Variants in GPN3 observed in about 807,000 individuals in gnomAD.
GPN3 encodes the protein GPN-loop GTPase 3.
A neutral mutation model predicts 38.7 loss-of-function variants in GPN3; 31 were observed. The ratio of observed to expected loss-of-function variants is 0.80; its 90% CI spans 0.60 to 1.08. The LOEUF (loss-of-function observed/expected upper bound fraction) is 1.08. GPN3 is among the 50% of genes least tolerant of loss of function. GPN3 has a pLI of 0.00. For synonymous variants in GPN3, 116 were observed against 120.2 expected, an observed-to-expected ratio of 0.96 and a Z score of 0.23; for missense variants, 301 against 354.4, an observed-to-expected ratio of 0.85 and a Z score of 1.21.
rs1293545015 is a variant in GPN3, at chr12:110,458,322, A to C, written c.326-688T>G. Among the ~76,000 whole-genome samples, 1 of 152,198 alleles carries C rather than the reference A, an allele frequency of 6.6e-6. No individual in the cohort carries two copies. On this transcript the variant is annotated intron_variant, in intron 3 of 7. Transcript: ENST00000228827. The surrounding 1 kb of genome is among the most constrained non-coding windows in gnomAD (Gnocchi z 4.4). ...ATAGTGAGATCCTATCTCTACAAAAATAAATAAATAAGTGCTACAAAGATA... is the reference window on the plus strand; with the variant it reads ...ATAGTGAGATCCTATCTCTACAAAACTAAATAAATAAGTGCTACAAAGATA...
intron 2 of GPN3, among the ~76,000 whole-genome samples, chr12:110,460,504 G>A (rs977007481): frequency 6.6e-6 from 1 of 152,170 alleles, no homozygotes; most frequent in Non-Finnish European, 1.5e-5. Flanking sequence ...TCCTTATCCT[G>A]GGTTAGAAGG....
chr12:110,456,744 A>G (rs2062552684), intron 4 of GPN3, among the ~76,000 whole-genome samples: 1 of 149,238 alleles, frequency 6.7e-6, no homozygotes, highest in East Asian at 2.0e-4. Flanking sequence ...GCTGGTGTGC[A>G]ATGGTGCGAT....
At position 110,458,128 on chromosome 12, in the gene GPN3, A is replaced by G. The variant is rs115846108; in HGVS notation, c.326-494T>C. Among the ~76,000 whole-genome samples the G allele has an allele frequency of 3.5e-3, 525 of 152,126 alleles. 1 individual carries two copies. The highest frequency in any genetic ancestry group is 0.01 in the East Asian group (54 of 5,174). On this transcript the variant is annotated intron_variant, in intron 3 of 7. Coordinates refer to ENST00000228827, the MANE Select transcript of GPN3 (RefSeq NM_016301.4). This position sits in a 1 kb window ranked among gnomAD's most constrained non-coding sequence, Gnocchi z 4.4. ...AAGACTCTGTCTTTAAAAATAAAAA[A>G]AAAGAAAGAAAGAAAGAAAATGAGG...
At chr12:110,463,489 G>A (rs1398278556) in intron 2 of GPN3, among the ~76,000 whole-genome samples, 1 of 150,672 alleles carries the variant, frequency 6.6e-6, no homozygotes, top group Admixed American at 6.6e-5. Context: ...ACAAAAAAAG[G>A]CCGGATGCAG....
At chr12:110,460,947 G>C in intron 2 of GPN3, 1 of 964,722 alleles carries the variant, frequency 1.0e-6, no homozygotes, top group Non-Finnish European at 1.7e-6. Context: ...CCAGGCGACA[G>C]AGCAAGACTC....
intron 1 of GPN3, among the ~76,000 whole-genome samples, chr12:110,466,186 A>G (rs756677850): frequency 4.6e-5 from 7 of 152,138 alleles, no homozygotes; most frequent in Middle Eastern, 6.3e-3. Context: ...AATACCTAGT[A>G]CATAATAAAT....
Position 110,452,975 on chromosome 12 carries a change from G to A in GPN3, c.*59C>T. On this transcript the variant is annotated 3_prime_UTR_variant, in exon 8 of 8. Transcript: ENST00000228827. The stretch of plus-strand genomic sequence containing the variant: ...TTTCTACTATTGCATCCTTTGAAGA[G>A]AAGAATGTTCTGCTGGTTTGGCCAC... 1 of 809,702 alleles carries A rather than the reference G, an allele frequency of 1.2e-6. No homozygotes were observed. The highest frequency in any genetic ancestry group is 1.3e-5 in the South Asian group (1 of 74,616). The allele number at this position is 809,702 out of a possible 1,614,324, so 50.2% of individuals were successfully genotyped here.
rs548078863 is a variant in GPN3, at chr12:110,459,720, G to A, written c.300C>T (p.Asp100=). 6.5e-5 allele frequency: 105 copies of A among 1,612,166 alleles called. No individual in the cohort carries two copies. In the South Asian group the frequency reaches 8.5e-4, roughly 13 times the overall value. Residue 100 remains aspartate (D), a synonymous_variant, in exon 3 of 8, where the codon GAC becomes GAT. Coordinates refer to ENST00000228827, the MANE Select transcript of GPN3 (RefSeq NM_016301.4). ...CTGGACAATCAAAAAGGATATAGTC[G>A]TCCTCTACATGGCCAAGACAGTTCT... The part of the protein sequence containing the change: ...WLENCLGHVE[D]DYILFDCPGQ...
At chr12:110,459,305 A>G (rs2062571034) in intron 3 of GPN3, among the ~76,000 whole-genome samples, 1 of 151,454 alleles carries the variant, frequency 6.6e-6, no homozygotes, top group Admixed American at 6.6e-5. Flanking sequence ...TAGTGGTACA[A>G]TCTTGGCTCA....
At chr12:110,464,968 A>C in intron 2 of GPN3, 138 bp downstream of exon 2, 1 of 665,056 alleles carries the variant, frequency 1.5e-6, no homozygotes, top group Non-Finnish European at 2.8e-6. Context: ...AGATGTGACC[A>C]AATGACAAGC....
Position 110,452,804 on chromosome 12 carries a change from T to C in GPN3, c.*230A>G. ...AAATCTATGTGCATTCATTTCAATT[T>C]TGACTTACAAAATCTAAAGTGATGC... On this transcript the variant is annotated 3_prime_UTR_variant, in exon 8 of 8. Transcript: ENST00000228827. 1 of 443,464 alleles carries C rather than the reference T, an allele frequency of 2.3e-6. No individual in the cohort carries two copies. Among genetic ancestry groups the C allele is most frequent in the Non-Finnish European group, 4.1e-6 (1 of 244,096 alleles). 27.5% of individuals were successfully genotyped at this position (443,464 alleles called of 1,614,324 possible).
chr12:110,462,818 G>A (rs1429551735), intron 2 of GPN3, among the ~76,000 whole-genome samples: 22 of 151,612 alleles, frequency 1.5e-4, no homozygotes, highest in African/African-American at 4.1e-4. Context: ...GTTCAGTGGC[G>A]CGATCTCGGC....
chr12:110,461,450 A>C, intron 2 of GPN3: 5 of 563,064 alleles, frequency 8.9e-6, no homozygotes, highest in Non-Finnish European at 9.4e-6. Context: ...AAATAGAAAA[A>C]TTAGTCAGGT....
chr12:110,468,527 T>C, upstream of GPN3: 2 of 1,537,254 alleles, frequency 1.3e-6, no homozygotes, highest in Non-Finnish European at 8.7e-7. Flanking sequence ...CGTGCTTCGG[T>C]CCGTGGTTTG....
chr12:110,453,279 GT>G (rs2062526228), intron 7 of GPN3, among the ~76,000 whole-genome samples, 183 bp from the exon 8 acceptor site: 1 of 152,020 alleles, frequency 6.6e-6, no homozygotes, highest in South Asian at 2.1e-4. Flanking sequence ...TTTTTTTCCA[GT>G]TATGTAGTAA....
intron 2 of GPN3, among the ~76,000 whole-genome samples, chr12:110,462,641 G>T (rs2062597360): frequency 6.6e-6 from 1 of 151,956 alleles, no homozygotes; most frequent in African/African-American, 2.4e-5. Flanking sequence ...AGGCTGGAGT[G>T]CAATGGTACG....
chr12:110,454,632 G>A (rs1435722228), intron 6 of GPN3, among the ~76,000 whole-genome samples: 1 of 151,804 alleles, frequency 6.6e-6, no homozygotes, highest in Non-Finnish European at 1.5e-5. Context: ...GATTATAGGC[G>A]TGAGCCACTG....
At chr12:110,466,995 C>A (rs1472044650) in intron 1 of GPN3, among the ~76,000 whole-genome samples, 2 of 150,684 alleles carry the variant, frequency 1.3e-5, no homozygotes, top group African/African-American at 4.9e-5. Flanking sequence ...TTCCACACTT[C>A]TTCTTTTTTT....
intron 2 of GPN3, among the ~76,000 whole-genome samples, chr12:110,460,555 G>C (rs1327942374): frequency 6.6e-6 from 1 of 152,168 alleles, no homozygotes; most frequent in African/African-American, 2.4e-5. Context: ...ACCATCAGGG[G>C]CTGGGTGCGG....
Sources: allele counts gnomAD v4.1 joint callset (sites outside exome capture counted in the v4.1 genomes callset), GRCh38; gene constraint gnomAD v4.1.1; non-coding constraint Gnocchi (gnomAD v3.1); transcripts MANE v1.5; gene names NCBI Gene and HGNC (gene_info 2026-07-23, HGNC 2026-07-21).